Variants in HLA-DMA observed in about 807,000 individuals in gnomAD.
The protein encoded by HLA-DMA is HLA class II histocompatibility antigen, DM alpha chain.
A neutral mutation model predicts 27.3 loss-of-function variants in HLA-DMA; 20 were observed. That is an observed-to-expected ratio of 0.73 (90% CI 0.52 to 1.07). The LOEUF is 1.07. HLA-DMA is among the 50% of genes least tolerant of loss of function. The pLI is 0.00. For synonymous variants in HLA-DMA, 111 were observed against 126.8 expected (o/e 0.88, Z 0.83); for missense variants, 241 against 321.7 (o/e 0.75, Z 1.92).
Position 32,950,992 on chromosome 6 carries a change from T to C in HLA-DMA, c.89-189A>G, listed in dbSNP as rs1776873410. Among the ~76,000 whole-genome samples, 1 of 151,920 alleles carries C rather than the reference T, an allele frequency of 6.6e-6. No homozygotes were observed. Among genetic ancestry groups the C allele is most frequent in the Non-Finnish European group, 1.5e-5 (1 of 67,972 alleles). On this transcript the variant is annotated intron_variant, in intron 1 of 4. Coordinates refer to ENST00000374843, the MANE Select transcript of HLA-DMA (RefSeq NM_006120.4). The surrounding 1 kb of genome is among the most constrained non-coding windows in gnomAD (Gnocchi z 5.0). ...CAGCATGGTGAAACTCCGTCTCTAC[T>C]AAAAATACAAAAAAGTAGCTGGGCA... is the stretch of plus-strand genomic sequence containing the variant.
chr6:32,952,980 C>A lies in HLA-DMA; in HGVS notation c.57G>T (p.Trp19Cys), dbSNP rs371995412. Residue 19 changes from tryptophan to cysteine, a missense_variant, in exon 1 of 5, where the codon TGG (tryptophan) becomes TGT (cysteine). Coordinates refer to ENST00000374843, the MANE Select transcript of HLA-DMA (RefSeq NM_006120.4). The part of the protein sequence containing the change: ...AALLQMLPLL[W>C]LLPHSWAVPE... ...GGACGGCCCAGGAGTGGGGTAGCAG[C>A]CACAGAAGTGGTAACATCTGTAGCA... The A allele has an allele frequency of 3.7e-6, 6 of 1,612,806 alleles. No homozygotes were observed. In the African/African-American group the frequency reaches 8.0e-5, roughly 22 times the overall value.
At chr6:32,951,151 A>C (rs564783624) in intron 1 of HLA-DMA, among the ~76,000 whole-genome samples, 1 of 152,108 alleles carries the variant, frequency 6.6e-6, no homozygotes, top group Non-Finnish European at 1.5e-5. Flanking sequence ...CTCTGTCTCA[A>C]AACAAAACAA....
In HLA-DMA at chr6:32,950,552, G is replaced by C. The variant is rs764100069; in HGVS notation, c.340C>G (p.Pro114Ala). ...ACCGGGATTTTCCCATCAAGTTTTG[G>C]CCCTATTTGCTGGATCATCCACTCG... ...FCEWMIQQIG[P>A]KLDGKIPVSR... Residue 114 changes from proline (P) to alanine (A), a missense_variant, in exon 2 of 5, where the codon CCA (proline) becomes GCA (alanine). Coordinates refer to ENST00000374843, the MANE Select transcript of HLA-DMA (RefSeq NM_006120.4). This position sits in a 1 kb window ranked among gnomAD's most constrained non-coding sequence, Gnocchi z 5.0. 2 of 1,612,994 alleles carry C rather than the reference G, an allele frequency of 1.2e-6. No individual in the cohort carries two copies. Among genetic ancestry groups the C allele is most frequent in the African/African-American group, 1.3e-5 (1 of 74,998 alleles).
intron 1 of HLA-DMA, among the ~76,000 whole-genome samples, 185 bp downstream of exon 1, chr6:32,952,764 T>C (rs1299525497): frequency 6.6e-6 from 1 of 152,230 alleles, no homozygotes; most frequent in Non-Finnish European, 1.5e-5. Flanking sequence ...TTGTCTTAAA[T>C]GGAACATGCA....
intron 1 of HLA-DMA, among the ~76,000 whole-genome samples, chr6:32,951,326 A>G (rs1309152531): frequency 1.3e-5 from 2 of 151,940 alleles, no homozygotes; most frequent in African/African-American, 4.8e-5. Context: ...AAAGAGTTCT[A>G]CTTTCTAAAG....
chr6:32,952,455 A>G, intron 1 of HLA-DMA: 1 of 471,916 alleles, frequency 2.1e-6, no homozygotes, highest in Non-Finnish European at 4.4e-6. Context: ...CTCAGCCAGC[A>G]GGAAACCTTT....
chr6:32,952,170 A>G (rs574847220), intron 1 of HLA-DMA: 1 of 384,260 alleles, frequency 2.6e-6, no homozygotes, highest in Admixed American at 3.6e-5. Context: ...AGAGAAGGCC[A>G]TGGATGGGTT....
chr6:32,951,459 G>C (rs10947361), intron 1 of HLA-DMA, among the ~76,000 whole-genome samples: 1 of 74,356 alleles, frequency 1.3e-5, no homozygotes, highest in South Asian at 4.4e-4. Flanking sequence ...GCGAGACCCT[G>C]TCTCTACAAA....
Position 32,950,531 on chromosome 6 carries a change from G to C in HLA-DMA, c.361C>G (p.Pro121Ala). The C allele has an allele frequency of 6.2e-7, 1 of 1,613,020 alleles. No individual in the cohort carries two copies. Among genetic ancestry groups the C allele is most frequent in the Non-Finnish European group, 8.5e-7 (1 of 1,180,018 alleles). ...QIGPKLDGKI[P>A]VSRGFPIAEV... ...GAAAACTCCTGACCTCTGGACACCG[G>C]GATTTTCCCATCAAGTTTTGGCCCT... is the stretch of plus-strand genomic sequence containing the variant. The change falls in exon 2 of 5, where the codon CCG (proline) becomes GCG (alanine). Residue 121 changes from proline to alanine, a missense_variant. Physicochemically the swap from Pro to Ala is conservative, Grantham distance 27. Transcript: ENST00000374843. This position sits in a 1 kb window ranked among gnomAD's most constrained non-coding sequence, Gnocchi z 5.0.
chr6:32,949,735 G>A lies in HLA-DMA; in HGVS notation c.528C>T (p.Val176=). Reference sequence around the variant, plus strand: ...GGAAGCTGAGTCCATCGACAGCTGAGACAAAAGTAGGCCCAAATCCTTCCA... The same window carrying A: ...GGAAGCTGAGTCCATCGACAGCTGAAACAAAAGTAGGCCCAAATCCTTCCA... ...VPVEGFGPTF[V]SAVDGLSFQA... The change falls in exon 3 of 5, where the codon GTC becomes GTT. Residue 176 remains valine (V), a synonymous_variant. Coordinates refer to ENST00000374843, the MANE Select transcript of HLA-DMA (RefSeq NM_006120.4). This position sits in a 1 kb window ranked among gnomAD's most constrained non-coding sequence, Gnocchi z 5.8. The A allele has an allele frequency of 6.2e-7, 1 of 1,613,098 alleles. No individual in the cohort carries two copies. The highest frequency in any genetic ancestry group is 8.5e-7 in the Non-Finnish European group (1 of 1,180,036).
chr6:32,948,765 T>TTCC lies in HLA-DMA; in HGVS notation c.*98_*99insGGA, dbSNP rs2127479460. ...CACACCCCAGGGATGTCCCAGAGAC[T>TTCC]TCTACCCTAAGAGGAGATCCTGGGC... On this transcript the variant is annotated 3_prime_UTR_variant, in exon 5 of 5. Coordinates refer to ENST00000374843, the MANE Select transcript of HLA-DMA (RefSeq NM_006120.4). The TTCC allele has an allele frequency of 1.4e-6, 2 of 1,465,730 alleles. No homozygotes were observed. Among genetic ancestry groups the TTCC allele is most frequent in the South Asian group, 1.1e-5 (1 of 88,062 alleles). 90.8% of individuals were successfully genotyped at this position (1,465,730 alleles called of 1,614,324 possible). A position where few individuals can be genotyped will look rare whatever the true frequency, so the allele number is the denominator to read the frequency against.
chr6:32,949,802 G>A lies in HLA-DMA; in HGVS notation c.461C>T (p.Pro154Leu), dbSNP rs766541287. 1 of 1,613,080 alleles carries A rather than the reference G, an allele frequency of 6.2e-7. No individual in the cohort carries two copies. Among genetic ancestry groups the A allele is most frequent in the Non-Finnish European group, 8.5e-7 (1 of 1,180,024 alleles). ...CTGCCAGTTCACTGTCAGCATGGGTGGGAAGAGATTACTGACAAAACAGAC... is the reference window on the plus strand; with the variant it reads ...CTGCCAGTTCACTGTCAGCATGGGTAGGAAGAGATTACTGACAAAACAGAC... ...TLVCFVSNLF[P>L]PMLTVNWQHH... The change falls in exon 3 of 5, where the codon CCA becomes CTA. Residue 154 changes from proline to leucine, a missense_variant. By Grantham distance (98) the Pro-to-Leu change is moderately conservative. Transcript: ENST00000374843. This position sits in a 1 kb window ranked among gnomAD's most constrained non-coding sequence, Gnocchi z 5.8.
At position 32,950,422 on chromosome 6, in the gene HLA-DMA, T is replaced by G. The variant is rs924341487; in HGVS notation, c.373+97A>C. ...GGTGATGAAGAGAACCAGAAAGTAT[T>G]TGAGATGGGGAGCTGGTATCAAGGG... On this transcript the variant is annotated intron_variant, in intron 2 of 4. Coordinates refer to ENST00000374843, the MANE Select transcript of HLA-DMA (RefSeq NM_006120.4). This position sits in a 1 kb window ranked among gnomAD's most constrained non-coding sequence, Gnocchi z 5.0. 2.9e-6 allele frequency: 4 copies of G among 1,391,674 alleles called. No individual in the cohort carries two copies. In the Admixed American group the frequency reaches 7.6e-5, roughly 27 times the overall value. 86.2% of individuals were successfully genotyped at this position (1,391,674 alleles called of 1,614,324 possible). A position where few individuals can be genotyped will look rare whatever the true frequency, so the allele number is the denominator to read the frequency against.
Position 32,950,875 on chromosome 6 carries a change from G to A in HLA-DMA, c.89-72C>T, listed in dbSNP as rs1196053038. ...TCCAACTTAAAAAACAGCAAGGTGG[G>A]GCTAGGCGCAGTGGCTCATGCCTGT... On this transcript the variant is annotated intron_variant, in intron 1 of 4. Coordinates refer to ENST00000374843, the MANE Select transcript of HLA-DMA (RefSeq NM_006120.4). This position sits in a 1 kb window ranked among gnomAD's most constrained non-coding sequence, Gnocchi z 5.0. 4 of 1,499,284 alleles carry A rather than the reference G, an allele frequency of 2.7e-6. No homozygotes were observed. The African/African-American group carries it at 5.5e-5, about 21-fold the overall frequency. 92.9% of individuals were successfully genotyped at this position (1,499,284 alleles called of 1,614,324 possible).
chr6:32,952,795 A>G (rs570831853), intron 1 of HLA-DMA, among the ~76,000 whole-genome samples, 154 bp downstream of exon 1: 1 of 152,344 alleles, frequency 6.6e-6, no homozygotes, highest in East Asian at 1.9e-4. Context: ...GATATCGTTT[A>G]CCAACCACAC....
intron 1 of HLA-DMA, chr6:32,952,202 AG>A (rs2127482500): frequency 2.5e-6 from 1 of 402,934 alleles, no homozygotes. Flanking sequence ...GAAGGGAAAG[AG>A]GAGGAATGGC....
At position 32,949,425 on chromosome 6, in the gene HLA-DMA, G is replaced by A. The variant is rs1688616403; in HGVS notation, c.653-26C>T. The A allele has an allele frequency of 1.2e-6, 2 of 1,612,868 alleles. No homozygotes were observed. Among genetic ancestry groups the A allele is most frequent in the East Asian group, 2.2e-5 (1 of 44,796 alleles). On this transcript the variant is annotated intron_variant, in intron 3 of 4. Coordinates refer to ENST00000374843, the MANE Select transcript of HLA-DMA (RefSeq NM_006120.4). The surrounding 1 kb of genome is among the most constrained non-coding windows in gnomAD (Gnocchi z 5.8). ...CTGGAGGAAATGAGTGGCTCAGCCTGGGGACCTAGTTAGGGAGCCTCCCAC... is the reference window on the plus strand; with the variant it reads ...CTGGAGGAAATGAGTGGCTCAGCCTAGGGACCTAGTTAGGGAGCCTCCCAC...
rs745478147 is a variant in HLA-DMA at position 32,952,959 on chromosome 6, G to A, written c.78C>T (p.Ala26=). The A allele has an allele frequency of 5.0e-6, 8 of 1,611,900 alleles. No individual in the cohort carries two copies. In the African/African-American group the frequency reaches 6.7e-5, roughly 13 times the overall value. The change falls in exon 1 of 5, where the codon GCC becomes GCT. Residue 26 remains alanine, a synonymous_variant. Transcript: ENST00000374843. ...GGAGTACCATCTTACCTTCAGGGACGGCCCAGGAGTGGGGTAGCAGCCACA... is the reference window on the plus strand; with the variant it reads ...GGAGTACCATCTTACCTTCAGGGACAGCCCAGGAGTGGGGTAGCAGCCACA... The part of the protein sequence containing the change: ...PLLWLLPHSW[A]VPEAPTPMWP...
At position 32,948,695 on chromosome 6, in the gene HLA-DMA, T is replaced by A. The variant is rs573680406; in HGVS notation, c.*169A>T. 5.6e-5 allele frequency: 42 copies of A among 745,872 alleles called. No homozygotes were observed. The South Asian group carries it at 5.9e-4, about 10-fold the overall frequency. The allele number at this position is 745,872 out of a possible 1,614,324, so 46.2% of individuals were successfully genotyped here. A position where few individuals can be genotyped will look rare whatever the true frequency, so the allele number is the denominator to read the frequency against. On this transcript the variant is annotated 3_prime_UTR_variant, in exon 5 of 5. Transcript: ENST00000374843. Reference sequence around the variant, plus strand: ...GCAGGCCACTCTGGGATCCCTGGGATGCAAGCCCAGGGACAGCAGAGTCCC... The same window carrying A: ...GCAGGCCACTCTGGGATCCCTGGGAAGCAAGCCCAGGGACAGCAGAGTCCC...
Sources: gnomAD v4.1 joint callset for allele counts (sites outside exome capture counted in the v4.1 genomes callset) on GRCh38, gnomAD v4.1.1 for gene constraint, Gnocchi (gnomAD v3.1) non-coding constraint, MANE v1.5 for transcripts, NCBI Gene and HGNC (gene_info 2026-07-23, HGNC 2026-07-21) for gene names.